LPAR3: variants seen among roughly 807,000 people sequenced by gnomAD.
The protein encoded by LPAR3 is LPA receptor 3.
A neutral mutation model predicts 17.8 loss-of-function variants in LPAR3; 7 were observed. That is an observed-to-expected ratio of 0.39 (90% CI 0.22 to 0.74). The LOEUF (loss-of-function observed/expected upper bound fraction) is 0.74. Ranked by LOEUF, LPAR3 falls within the 30% of genes least tolerant of loss-of-function variation. The probability of loss-of-function intolerance (pLI) is 0.40; values close to 1 mark genes in which losing one functional copy is unlikely to be tolerated. For synonymous variants in LPAR3, 179 were observed against 179.9 expected (o/e 0.99, Z 0.04); for missense variants, 391 against 453.4 (o/e 0.86, Z 1.25).
chr1:84,829,152 ATTTTTTTTTT>A (rs56095946), intron 2 of LPAR3, among the ~76,000 whole-genome samples: 50 of 55,552 alleles, frequency 9.0e-4, no homozygotes, highest in African/African-American at 3.2e-3. Flanking sequence ...CCTCTCTGCA[ATTTTTTTTTT>A]TTTTTTTTTT....
intron 1 of LPAR3, among the ~76,000 whole-genome samples, chr1:84,891,062 T>C (rs1044322753): frequency 5.3e-5 from 8 of 152,236 alleles, no homozygotes; most frequent in African/African-American, 1.7e-4. Flanking sequence ...CATACTTTAA[T>C]GTTTTAAATT....
At chr1:84,861,637 G>A (rs1659943760) in intron 2 of LPAR3, among the ~76,000 whole-genome samples, 1 of 152,156 alleles carries the variant, frequency 6.6e-6, no homozygotes, top group African/African-American at 2.4e-5. Context: ...CTGTTATCTA[G>A]AGAAATCAGG....
At chr1:84,830,869 G>A (rs193046703) in intron 2 of LPAR3, among the ~76,000 whole-genome samples, 1 of 152,176 alleles carries the variant, frequency 6.6e-6, no homozygotes, top group East Asian at 1.9e-4. Context: ...GCAAATGCGA[G>A]GCTACAGCAC....
chr1:84,891,949 C>G (rs886756206), intron 1 of LPAR3, among the ~76,000 whole-genome samples: 3 of 152,106 alleles, frequency 2.0e-5, no homozygotes, highest in Non-Finnish European at 2.9e-5. Flanking sequence ...CGCAGTGGCT[C>G]ACACCTGTAA....
rs1658828544 is a variant in LPAR3 at position 84,812,287 on chromosome 1, C to G, written c.*1559G>C. On this transcript the variant is annotated 3_prime_UTR_variant, in exon 3 of 3. Transcript: ENST00000370611. ...TCTTTTCTTGTACAGCACAACAGAT[C>G]ATTGCTACAGCTCTAGTCCTAGACT... is the stretch of plus-strand genomic sequence containing the variant. 1 of 152,296 alleles carries G rather than the reference C, an allele frequency of 6.6e-6. No homozygotes were observed. The highest frequency in any genetic ancestry group is 1.9e-4 in the East Asian group (1 of 5,188). The allele number at this position is 152,296 out of a possible 1,614,324, so 9.4% of individuals were successfully genotyped here.
intron 2 of LPAR3, among the ~76,000 whole-genome samples, chr1:84,856,415 C>A (rs1659827806): frequency 6.6e-6 from 1 of 152,164 alleles, no homozygotes; most frequent in Admixed American, 6.5e-5. Flanking sequence ...TCTATTTTAA[C>A]AGATATTTGA....
chr1:84,856,003 T>G (rs916754358), intron 2 of LPAR3, among the ~76,000 whole-genome samples: 1 of 152,122 alleles, frequency 6.6e-6, no homozygotes. Flanking sequence ...GACACTGAGG[T>G]CATCTCAGTC....
chr1:84,824,858 T>A (rs1659123818), intron 2 of LPAR3, among the ~76,000 whole-genome samples: 1 of 152,230 alleles, frequency 6.6e-6, no homozygotes, highest in Admixed American at 6.5e-5. Flanking sequence ...CTGGCTGTCC[T>A]GCTAGACTGA....
intron 2 of LPAR3, among the ~76,000 whole-genome samples, chr1:84,841,381 G>A (rs1006746563): frequency 1.8e-4 from 27 of 152,012 alleles, no homozygotes; most frequent in Non-Finnish European, 2.6e-4. Context: ...TAAAAATCTG[G>A]ACAGTCCCTG....
chr1:84,849,782 C>T (rs969278092), intron 2 of LPAR3, among the ~76,000 whole-genome samples: 1 of 152,172 alleles, frequency 6.6e-6, no homozygotes, highest in African/African-American at 2.4e-5. Flanking sequence ...AAATACTTCT[C>T]AAAACCAAGG....
chr1:84,841,648 C>T (rs868009315), intron 2 of LPAR3, among the ~76,000 whole-genome samples: 4 of 152,206 alleles, frequency 2.6e-5, no homozygotes, highest in Non-Finnish European at 5.9e-5. Context: ...ATGGTAACTG[C>T]TTCTACCTGC....
At chr1:84,842,551 G>T (rs543660072) in intron 2 of LPAR3, among the ~76,000 whole-genome samples, 1 of 152,310 alleles carries the variant, frequency 6.6e-6, no homozygotes, top group East Asian at 1.9e-4. Flanking sequence ...AAGTAGATTA[G>T]TTTTCATTTT....
intron 2 of LPAR3, among the ~76,000 whole-genome samples, chr1:84,818,390 G>C (rs1408518225): frequency 6.6e-6 from 1 of 152,026 alleles, no homozygotes; most frequent in Non-Finnish European, 1.5e-5. Flanking sequence ...AAACTTTCAT[G>C]ACAAAAAAAT....
At chr1:84,863,178 G>A (rs1026193069) in intron 2 of LPAR3, among the ~76,000 whole-genome samples, 7 of 151,902 alleles carry the variant, frequency 4.6e-5, no homozygotes, top group African/African-American at 1.2e-4. Context: ...GGGTTCAAGC[G>A]GTTCTCCCAC....
At chr1:84,888,961 C>T (rs1348993546) in intron 1 of LPAR3, among the ~76,000 whole-genome samples, 1 of 152,070 alleles carries the variant, frequency 6.6e-6, no homozygotes, top group East Asian at 1.9e-4. Flanking sequence ...ACAGTGACAC[C>T]CAGTCTGGCC....
intron 1 of LPAR3, among the ~76,000 whole-genome samples, chr1:84,866,573 G>A (rs1186623184): frequency 1.3e-5 from 2 of 152,176 alleles, no homozygotes; most frequent in Non-Finnish European, 2.9e-5. Flanking sequence ...TTATGTTAAT[G>A]CCTCCTCCTG....
intron 1 of LPAR3, among the ~76,000 whole-genome samples, chr1:84,882,907 CT>C (rs1350184920): frequency 6.6e-6 from 1 of 152,208 alleles, no homozygotes; most frequent in Non-Finnish European, 1.5e-5. Flanking sequence ...TAAAGCCTTG[CT>C]TACCAACAAG....
At chr1:84,869,231 T>A (rs1374814414) in intron 1 of LPAR3, among the ~76,000 whole-genome samples, 1 of 152,192 alleles carries the variant, frequency 6.6e-6, no homozygotes, top group Non-Finnish European at 1.5e-5. Context: ...AATCTTCAAA[T>A]TCAACTGTCC....
chr1:84,819,690 C>A (rs9324141), intron 2 of LPAR3, among the ~76,000 whole-genome samples: 1 of 152,074 alleles, frequency 6.6e-6, no homozygotes, highest in Non-Finnish European at 1.5e-5. Context: ...TGAGCACATA[C>A]GCAAAAATAA....
Sources: gnomAD v4.1 joint callset for allele counts (sites outside exome capture counted in the v4.1 genomes callset) on GRCh38, gnomAD v4.1.1 for gene constraint, MANE v1.5 for transcripts, NCBI Gene and HGNC (gene_info 2026-07-23, HGNC 2026-07-21) for gene names.